Variants in MIPOL1 observed in about 807,000 individuals in gnomAD.
The protein encoded by MIPOL1 is mirror-image polydactyly gene 1 protein.
Under a neutral mutation model 60.9 loss-of-function variants are expected in MIPOL1, and 57 were observed. That is an observed-to-expected ratio of 0.94 (90% CI 0.76 to 1.17). The LOEUF (loss-of-function observed/expected upper bound fraction) is 1.17, where lower values mean the gene tolerates loss of function less well. Among genes scored for constraint, MIPOL1 ranks in the 50% most tolerant of loss-of-function variants. MIPOL1 has a pLI of 0.00. For synonymous variants in MIPOL1, 179 were observed against 168.8 expected, an observed-to-expected ratio of 1.06 and a Z score of -0.47; for missense variants, 551 against 511.6, an observed-to-expected ratio of 1.08 and a Z score of -0.74.
chr14:37,220,271 T>C (rs1968518164), intron 1 of MIPOL1, among the ~76,000 whole-genome samples: 1 of 152,244 alleles, frequency 6.6e-6, no homozygotes, highest in Non-Finnish European at 1.5e-5. Context: ...GCTGAAATGC[T>C]GTTTTGCATC....
At chr14:37,377,896 G>A (rs2075024087) in intron 10 of MIPOL1, among the ~76,000 whole-genome samples, 1 of 151,666 alleles carries the variant, frequency 6.6e-6, no homozygotes, top group South Asian at 2.1e-4. Context: ...TTTGACAAAA[G>A]TAGCTGAAAT....
chr14:37,307,932 C>A, intron 7 of MIPOL1, 124 bp from the exon 8 acceptor site: 1 of 748,806 alleles, frequency 1.3e-6, no homozygotes, highest in Non-Finnish European at 2.3e-6. Context: ...TGTTCAGTGT[C>A]ATGGTTGACT....
chr14:37,271,502 C>A (rs1232223628), intron 6 of MIPOL1, among the ~76,000 whole-genome samples: 1 of 151,712 alleles, frequency 6.6e-6, no homozygotes, highest in Non-Finnish European at 1.5e-5. Flanking sequence ...TAGAACTAAA[C>A]ATTGCTATGA....
In MIPOL1 at chr14:37,356,282, G is replaced by A. The variant is rs866231729; in HGVS notation, c.829-13235G>A. Among the ~76,000 whole-genome samples, 945 of 151,686 alleles carry A rather than the reference G, an allele frequency of 6.2e-3. 13 individuals carry two copies. Among genetic ancestry groups the A allele is most frequent in the African/African-American group, 0.02 (830 of 41,390 alleles). ...TGCCAGTTCTCAGATCTCCAGCTGCGTGCTGGGAGAACCACTGCTCTCTTC... is the reference window on the plus strand; with the variant it reads ...TGCCAGTTCTCAGATCTCCAGCTGCATGCTGGGAGAACCACTGCTCTCTTC... On this transcript the variant is annotated intron_variant, in intron 9 of 12. Coordinates refer to ENST00000684589, the MANE Select transcript of MIPOL1 (RefSeq NM_001388067.1).
chr14:37,263,825 G>A (rs1422435781), intron 3 of MIPOL1, among the ~76,000 whole-genome samples: 1 of 152,178 alleles, frequency 6.6e-6, no homozygotes, highest in East Asian at 1.9e-4. Context: ...CCATATGAAA[G>A]AGATAGAGGA....
At chr14:37,524,564 T>C (rs1199998699) in intron 12 of MIPOL1, among the ~76,000 whole-genome samples, 2 of 49,088 alleles carry the variant, frequency 4.1e-5, no homozygotes, top group Admixed American at 2.2e-4. Flanking sequence ...TTTTTCTTTT[T>C]CTTTTCTTTT....
At chr14:37,432,094 A>G (rs542164022) in intron 11 of MIPOL1, among the ~76,000 whole-genome samples, 18 of 152,288 alleles carry the variant, frequency 1.2e-4, no homozygotes, top group African/African-American at 4.3e-4. Context: ...TCATGTCGTC[A>G]TTTCCTCCTG....
intron 9 of MIPOL1, among the ~76,000 whole-genome samples, chr14:37,346,813 G>A (rs1245742415): frequency 2.0e-5 from 3 of 152,178 alleles, no homozygotes; most frequent in South Asian, 2.1e-4. Context: ...CCTCTTCAGC[G>A]AAAGGAACTC....
intron 10 of MIPOL1, among the ~76,000 whole-genome samples, chr14:37,391,818 C>T (rs2093251067): frequency 6.6e-6 from 1 of 152,040 alleles, no homozygotes; most frequent in African/African-American, 2.4e-5. Context: ...TAAGGTATAG[C>T]ATTACTGGAG....
intron 10 of MIPOL1, among the ~76,000 whole-genome samples, chr14:37,380,217 A>G (rs2153508063): frequency 6.6e-6 from 1 of 152,206 alleles, no homozygotes; most frequent in South Asian, 2.1e-4. Flanking sequence ...CAATTTTTGA[A>G]CAAGGGAGAT....
At chr14:37,532,390 A>T (rs932353558) in intron 12 of MIPOL1, among the ~76,000 whole-genome samples, 1 of 152,174 alleles carries the variant, frequency 6.6e-6, no homozygotes, top group Non-Finnish European at 1.5e-5. Context: ...AAGCCCATTA[A>T]TCCTTAATAC....
chr14:37,424,505 A>G (rs2093928311), intron 11 of MIPOL1, among the ~76,000 whole-genome samples: 1 of 152,218 alleles, frequency 6.6e-6, no homozygotes, highest in Non-Finnish European at 1.5e-5. Context: ...AGTTGTCAGA[A>G]AGAACATAGC....
intron 9 of MIPOL1, among the ~76,000 whole-genome samples, chr14:37,356,451 G>T (rs2091837195): frequency 6.6e-6 from 1 of 152,180 alleles, no homozygotes; most frequent in Non-Finnish European, 1.5e-5. Flanking sequence ...CGAGCTTCCA[G>T]GCTGCTTTGT....
At chr14:37,364,330 A>G (rs1486558993) in intron 9 of MIPOL1, among the ~76,000 whole-genome samples, 2 of 152,190 alleles carry the variant, frequency 1.3e-5, no homozygotes, top group Non-Finnish European at 2.9e-5. Flanking sequence ...ATTTTCCCTT[A>G]TATTTTCTGT....
chr14:37,251,426 A>G (rs1412400514), intron 3 of MIPOL1, among the ~76,000 whole-genome samples: 1 of 152,090 alleles, frequency 6.6e-6, no homozygotes, highest in Non-Finnish European at 1.5e-5. Flanking sequence ...TTGTAAGTTG[A>G]TAAAAACAAT....
intron 6 of MIPOL1, among the ~76,000 whole-genome samples, chr14:37,271,535 A>G (rs950322621): frequency 1.3e-5 from 2 of 151,890 alleles, no homozygotes; most frequent in Admixed American, 6.6e-5. Context: ...GATGACCATA[A>G]ATAAATACAC....
intron 1 of MIPOL1, among the ~76,000 whole-genome samples, chr14:37,200,829 T>A (rs1174998439): frequency 2.7e-5 from 4 of 150,274 alleles, no homozygotes; most frequent in Non-Finnish European, 5.9e-5. Context: ...GAAATATAGA[T>A]CCATAATACT....
At chr14:37,495,420 G>A (rs2095109839) in intron 11 of MIPOL1, among the ~76,000 whole-genome samples, 1 of 149,938 alleles carries the variant, frequency 6.7e-6, no homozygotes, top group African/African-American at 2.5e-5. Flanking sequence ...TGAGAATGAT[G>A]ATTTCCAATT....
At chr14:37,444,974 G>T (rs996061616) in intron 11 of MIPOL1, among the ~76,000 whole-genome samples, 1 of 152,126 alleles carries the variant, frequency 6.6e-6, no homozygotes, top group African/African-American at 2.4e-5. Flanking sequence ...ATATCATACT[G>T]AATGGGCAAA....
Sources: gnomAD v4.1 joint callset for allele counts (sites outside exome capture counted in the v4.1 genomes callset) on GRCh38, gnomAD v4.1.1 for gene constraint, MANE v1.5 for transcripts, NCBI Gene and HGNC (gene_info 2026-07-23, HGNC 2026-07-21) for gene names.